Variants in KPLCE observed in about 807,000 individuals in gnomAD.
The protein encoded by KPLCE is KPRP N-terminal and LCE C-terminal like protein, also known as protein KPLCE.
At chr1:152,720,238 T>C in the KPLCE span, 2 of 1,550,614 alleles carry the variant, frequency 1.3e-6, no homozygotes, top group South Asian at 2.4e-5. Context: ...CCCGAGGTCC[T>C]GCATGCTGTG....
At chr1:152,720,319 T>A in the KPLCE span, 1 of 1,431,602 alleles carries the variant, frequency 7.0e-7, no homozygotes, top group Non-Finnish European at 9.4e-7. Flanking sequence ...CGCTACCCCT[T>A]CTGGAACATG....
the KPLCE span, chr1:152,719,936 C>G: frequency 7.1e-6 from 11 of 1,552,050 alleles, no homozygotes; most frequent in Admixed American, 2.2e-4. Context: ...GGGTGCTTCT[C>G]CTTGCCAGAG....
chr1:152,719,547 A>G, the KPLCE span: 1 of 1,551,682 alleles, frequency 6.4e-7, no homozygotes, highest in Admixed American at 2.0e-5. Flanking sequence ...AAGCAGCCAC[A>G]GTTCCCTCCA....
the KPLCE span, chr1:152,720,092 C>T: frequency 6.4e-7 from 1 of 1,551,740 alleles, no homozygotes; most frequent in African/African-American, 1.4e-5. Flanking sequence ...TCAGCGGCCC[C>T]AGAACTGCAA....
chr1:152,720,202 C>T, the KPLCE span: 1 of 1,551,700 alleles, frequency 6.4e-7, no homozygotes, highest in Non-Finnish European at 8.7e-7. Context: ...CTGGGTGCTG[C>T]TGTTTGGGAA....
the KPLCE span, chr1:152,719,943 A>G: frequency 1.3e-6 from 2 of 1,551,976 alleles, no homozygotes; most frequent in Non-Finnish European, 1.7e-6. Flanking sequence ...TCTCCTTGCC[A>G]GAGCTATTAT....
chr1:152,720,055 C>T, the KPLCE span: 53 of 1,551,630 alleles, frequency 3.4e-5, no homozygotes, highest in African/African-American at 3.7e-4. Context: ...CCCGGACCTT[C>T]GGGGTGAGTC....
chr1:152,719,607 C>T, the KPLCE span: 2 of 1,551,970 alleles, frequency 1.3e-6, no homozygotes, highest in Non-Finnish European at 1.7e-6. Flanking sequence ...AGCAATGGTG[C>T]CTCTGTGAAA....
At chr1:152,720,236 C>T in the KPLCE span, 3 of 1,551,076 alleles carry the variant, frequency 1.9e-6, no homozygotes, top group African/African-American at 2.7e-5. Context: ...GTCCCGAGGT[C>T]CTGCATGCTG....
the KPLCE span, chr1:152,720,061 G>A: frequency 1.9e-6 from 3 of 1,551,754 alleles, no homozygotes; most frequent in Non-Finnish European, 2.6e-6. Context: ...CCTTCGGGGT[G>A]AGTCCCCTGA....
chr1:152,719,862 C>T, the KPLCE span: 1 of 1,552,238 alleles, frequency 6.4e-7, no homozygotes, highest in South Asian at 1.2e-5. Context: ...AAGTGCCCAG[C>T]TCCCTGCCAG....
chr1:152,719,676 C>T, the KPLCE span: 33 of 1,552,076 alleles, frequency 2.1e-5, no homozygotes, highest in Non-Finnish European at 2.8e-5. Context: ...CCATGCCCTA[C>T]TCAAACTTAT....
At chr1:152,720,270 G>A in the KPLCE span, 1 of 1,543,300 alleles carries the variant, frequency 6.5e-7, no homozygotes, top group Non-Finnish European at 8.8e-7. Flanking sequence ...GACTGCTGCT[G>A]CTAAACATAC....
the KPLCE span, chr1:152,720,059 G>C: frequency 3.2e-6 from 5 of 1,551,750 alleles, no homozygotes; most frequent in Non-Finnish European, 4.4e-6. Context: ...GACCTTCGGG[G>C]TGAGTCCCCT....
At chr1:152,719,775 G>A in the KPLCE span, 8 of 1,551,750 alleles carry the variant, frequency 5.2e-6, no homozygotes, top group Non-Finnish European at 7.0e-6. Flanking sequence ...CCAACACCCT[G>A]CCAAACCTAT....
chr1:152,719,572 T>G, the KPLCE span: 1 of 1,551,830 alleles, frequency 6.4e-7, no homozygotes, highest in South Asian at 1.2e-5. Context: ...GTGTGAAAGG[T>G]TCGGGACTAG....
chr1:152,720,125 G>A, the KPLCE span: 2 of 1,551,694 alleles, frequency 1.3e-6, no homozygotes, highest in Non-Finnish European at 1.7e-6. Context: ...TGGCTGCTGT[G>A]AGAATTCGGG....
chr1:152,719,649 G>T, the KPLCE span: 1 of 1,552,140 alleles, frequency 6.4e-7, no homozygotes, highest in South Asian at 1.2e-5. Context: ...CAAACTGTCT[G>T]TGTGACAGGC....
the KPLCE span, chr1:152,719,859 C>A: frequency 6.4e-7 from 1 of 1,552,114 alleles, no homozygotes; most frequent in Non-Finnish European, 8.7e-7. Context: ...GTGAAGTGCC[C>A]AGCTCCCTGC....
Sources: allele counts gnomAD v4.1 joint callset, GRCh38; gene constraint gnomAD v4.1.1; transcripts MANE v1.5; gene names NCBI Gene and HGNC (gene_info 2026-07-23, HGNC 2026-07-21).